The following MACROD2 variants were observed in gnomAD, a reference collection of about 807,000 sequenced individuals.
MACROD2 encodes ADP-ribose glycohydrolase MACROD2.
MACROD2 carries 36 observed loss-of-function variants against 70.4 expected under a neutral mutation model. That is an observed-to-expected ratio of 0.51 (90% CI 0.39 to 0.68). MACROD2 has a LOEUF of 0.68. MACROD2 is among the 30% of genes least tolerant of loss of function. MACROD2 has a pLI of 0.00. For synonymous variants in MACROD2, 172 were observed against 178.8 expected (o/e 0.96, Z 0.30); for missense variants, 496 against 538.4 (o/e 0.92, Z 0.78).
chr20:15,111,975 A>C (rs1009775871), intron 5 of MACROD2, among the ~76,000 whole-genome samples: 2 of 152,192 alleles, frequency 1.3e-5, no homozygotes, highest in South Asian at 2.1e-4. Flanking sequence ...TCTGTACTGA[A>C]CACAGGTCAA....
intron 3 of MACROD2, among the ~76,000 whole-genome samples, chr20:14,345,505 T>A (rs930993597): frequency 9.2e-5 from 14 of 151,968 alleles, no homozygotes; most frequent in Admixed American, 2.6e-4. Flanking sequence ...TTATTTTTAT[T>A]TGAAGGTTTT....
At chr20:14,010,884 A>G (rs761527370) in intron 2 of MACROD2, among the ~76,000 whole-genome samples, 1 of 152,142 alleles carries the variant, frequency 6.6e-6, no homozygotes, top group African/African-American at 2.4e-5. Context: ...CAACATCTGG[A>G]CAAAGTTTTC....
intron 4 of MACROD2, among the ~76,000 whole-genome samples, chr20:14,579,219 G>A (rs1213467975): frequency 7.5e-6 from 1 of 133,928 alleles, no homozygotes; most frequent in East Asian, 2.3e-4. Context: ...TCGGCTCACT[G>A]CAAGCTCCGC....
intron 6 of MACROD2, among the ~76,000 whole-genome samples, chr20:15,376,942 G>C (rs1287659552): frequency 1.3e-5 from 2 of 152,094 alleles, no homozygotes; most frequent in Non-Finnish European, 2.9e-5. Flanking sequence ...CCAGGCTGGA[G>C]TGCAGTGGCG....
At chr20:14,787,710 G>A (rs1214876279) in intron 5 of MACROD2, among the ~76,000 whole-genome samples, 2 of 152,056 alleles carry the variant, frequency 1.3e-5, no homozygotes, top group Non-Finnish European at 2.9e-5. Flanking sequence ...CCTTTAGTGG[G>A]GACTTTCTAT....
chr20:14,109,908 CAT>C (rs1491512087), intron 3 of MACROD2, among the ~76,000 whole-genome samples: 2 of 151,608 alleles, frequency 1.3e-5, no homozygotes, highest in Admixed American at 6.6e-5. Flanking sequence ...ATGAAAGACA[CAT>C]AAAAAAAACA....
intron 5 of MACROD2, among the ~76,000 whole-genome samples, chr20:14,992,267 T>G (rs1385673193): frequency 6.6e-6 from 1 of 152,192 alleles, no homozygotes; most frequent in Non-Finnish European, 1.5e-5. Context: ...GCATCAGAAC[T>G]GATGTTCTTG....
intron 5 of MACROD2, among the ~76,000 whole-genome samples, chr20:15,134,660 A>T (rs1404631277): frequency 6.6e-6 from 1 of 152,008 alleles, no homozygotes; most frequent in East Asian, 1.9e-4. Flanking sequence ...TAAAAGAACT[A>T]GAAAAGCAAG....
At chr20:15,492,189 G>A (rs368181515) in intron 7 of MACROD2, among the ~76,000 whole-genome samples, 13 of 152,226 alleles carry the variant, frequency 8.5e-5, no homozygotes, top group African/African-American at 3.1e-4. Context: ...AGTGCTTAAC[G>A]GTGAGGCTCC....
intron 3 of MACROD2, among the ~76,000 whole-genome samples, chr20:14,391,675 T>C (rs953318197): frequency 6.6e-6 from 1 of 151,192 alleles, no homozygotes; most frequent in Non-Finnish European, 1.5e-5. Context: ...TGTAGCAACA[T>C]GGATGCAGCT....
intron 8 of MACROD2, among the ~76,000 whole-genome samples, chr20:15,812,947 A>G (rs1484544837): frequency 6.6e-6 from 1 of 152,184 alleles, no homozygotes; most frequent in East Asian, 1.9e-4. Flanking sequence ...AATCATAGTG[A>G]TGTTTGATAT....
At chr20:15,155,425 G>C (rs964112975) in intron 5 of MACROD2, among the ~76,000 whole-genome samples, 1 of 152,106 alleles carries the variant, frequency 6.6e-6, no homozygotes, top group Non-Finnish European at 1.5e-5. Context: ...CAATCTGTCT[G>C]ATTCTCCATG....
chr20:15,552,025 A>G (rs1022851705), intron 8 of MACROD2: 2 of 152,170 alleles, frequency 1.3e-5, no homozygotes, highest in African/African-American at 4.8e-5. Flanking sequence ...AAGGAAATCT[A>G]TGATTAAGCC....
chr20:14,614,602 C>G (rs903801128), intron 4 of MACROD2, among the ~76,000 whole-genome samples: 5 of 152,132 alleles, frequency 3.3e-5, no homozygotes, highest in African/African-American at 4.8e-5. Flanking sequence ...CCTAGTGCAG[C>G]TAGCACAGTG....
chr20:15,067,320 A>T (rs1161140775), intron 5 of MACROD2, among the ~76,000 whole-genome samples: 1 of 151,988 alleles, frequency 6.6e-6, no homozygotes, highest in African/African-American at 2.4e-5. Flanking sequence ...ATTGATTTTG[A>T]TATTGTTTGT....
intron 5 of MACROD2, among the ~76,000 whole-genome samples, chr20:15,144,674 A>T (rs1436161809): frequency 2.0e-5 from 3 of 152,206 alleles, no homozygotes; most frequent in African/African-American, 7.2e-5. Context: ...TAAATGTCAC[A>T]CTATGACTGA....
At chr20:15,335,654 G>T (rs950062419) in intron 6 of MACROD2, among the ~76,000 whole-genome samples, 1 of 151,580 alleles carries the variant, frequency 6.6e-6, no homozygotes, top group African/African-American at 2.4e-5. Context: ...GATATTTCTG[G>T]CTGTGATAAT....
chr20:15,923,888 G>A (rs1383605723), intron 10 of MACROD2, among the ~76,000 whole-genome samples: 1 of 152,196 alleles, frequency 6.6e-6, no homozygotes, highest in Non-Finnish European at 1.5e-5. Context: ...ATAGCGATTA[G>A]CAAAACATTT....
At chr20:14,796,107 A>G (rs528207453) in intron 5 of MACROD2, among the ~76,000 whole-genome samples, 2 of 152,226 alleles carry the variant, frequency 1.3e-5, no homozygotes, top group South Asian at 2.1e-4. Context: ...AATAATCACG[A>G]CAACTTTTGT....
Sources: gnomAD v4.1 joint callset for allele counts (sites outside exome capture counted in the v4.1 genomes callset) on GRCh38, gnomAD v4.1.1 for gene constraint, MANE v1.5 for transcripts, NCBI Gene and HGNC (gene_info 2026-07-23, HGNC 2026-07-21) for gene names.